The following LRTM1 variants were observed in gnomAD, a reference collection of about 807,000 sequenced individuals.
LRTM1 encodes leucine rich repeat transmembrane protein 1.
Under a neutral mutation model 32.4 loss-of-function variants are expected in LRTM1, and 38 were observed. The ratio of observed to expected loss-of-function variants is 1.17; its 90% CI spans 0.91 to 1.54. LRTM1 has a LOEUF of 1.54. LRTM1 is among the 40% of genes most tolerant of loss of function. The pLI is 0.00. For synonymous variants in LRTM1, 186 were observed against 169.9 expected, an observed-to-expected ratio of 1.09 and a Z score of -0.74; for missense variants, 466 against 415.4, an observed-to-expected ratio of 1.12 and a Z score of -1.06.
chr3:54,919,834 G>T (rs1212928403), intron 2 of LRTM1, among the ~76,000 whole-genome samples: 2 of 152,228 alleles, frequency 1.3e-5, no homozygotes, highest in Non-Finnish European at 2.9e-5. Flanking sequence ...CAGACTCACA[G>T]AGGTCACGAG....
intron 2 of LRTM1, among the ~76,000 whole-genome samples, chr3:54,922,801 T>C (rs1700891456): frequency 6.6e-6 from 1 of 151,798 alleles, no homozygotes; most frequent in Non-Finnish European, 1.5e-5. Flanking sequence ...ATTGACCACC[T>C]CCCCAACACA....
At chr3:54,925,287 G>T (rs144580254) in intron 1 of LRTM1, 72 bp from the exon 2 acceptor site, 2 of 1,240,836 alleles carry the variant, frequency 1.6e-6, no homozygotes, top group African/African-American at 3.0e-5. Context: ...TTCCGCCTTT[G>T]AATTTACAGG....
At chr3:54,952,709 C>T (rs1021436803) in intron 1 of LRTM1, among the ~76,000 whole-genome samples, 2 of 152,178 alleles carry the variant, frequency 1.3e-5, no homozygotes, top group African/African-American at 4.8e-5. Flanking sequence ...GCATAGTTCC[C>T]TCCAGCTTCC....
At chr3:54,925,894 G>T (rs1159898104) in intron 1 of LRTM1, among the ~76,000 whole-genome samples, 1 of 152,206 alleles carries the variant, frequency 6.6e-6, no homozygotes, top group Non-Finnish European at 1.5e-5. Context: ...GTAATTCCAT[G>T]AACAAGGATA....
At chr3:54,928,775 T>C (rs1701102845), upstream of LRTM1, among the ~76,000 whole-genome samples, 1 of 150,684 alleles carries the variant, frequency 6.6e-6, no homozygotes, top group African/African-American at 2.4e-5. Context: ...CTTCTTAATC[T>C]TTCTTCGTTT....
At chr3:54,959,789 A>G (rs1701987354) in intron 1 of LRTM1, among the ~76,000 whole-genome samples, 1 of 152,188 alleles carries the variant, frequency 6.6e-6, no homozygotes, top group Non-Finnish European at 1.5e-5. Flanking sequence ...AAATAATATT[A>G]TTTGAAGAAC....
At chr3:54,939,805 C>G (rs1182808291) in intron 1 of LRTM1, among the ~76,000 whole-genome samples, 1 of 152,208 alleles carries the variant, frequency 6.6e-6, no homozygotes, top group Non-Finnish European at 1.5e-5. Context: ...TTTTGTGGGC[C>G]TGCTCCTGCC....
In LRTM1 at chr3:54,925,135, A is replaced by T; in HGVS notation, c.88T>A (p.Ser30Thr). Residue 30 changes from serine to threonine, a missense_variant, in exon 2 of 3, where the codon TCT becomes ACT. Coordinates refer to ENST00000273286, the MANE Select transcript of LRTM1 (RefSeq NM_020678.4). ...SCPDKCYCQS[S>T]TNFVDCSQQG... ...TGGCTGCAGTCTACAAAATTTGTAG[A>T]TGACTGACAGTAACACTTGTCCGGG... 1 of 1,614,144 alleles carries T rather than the reference A, an allele frequency of 6.2e-7. No individual in the cohort carries two copies. Among genetic ancestry groups the T allele is most frequent in the Non-Finnish European group, 8.5e-7 (1 of 1,180,018 alleles).
intron 1 of LRTM1, among the ~76,000 whole-genome samples, chr3:54,959,815 T>C (rs1343364092): frequency 6.6e-6 from 1 of 152,186 alleles, no homozygotes; most frequent in Non-Finnish European, 1.5e-5. Flanking sequence ...GAGCATAAAA[T>C]GATCTGACAA....
chr3:54,928,075 A>G (rs1701078386), upstream of LRTM1: 1 of 656,548 alleles, frequency 1.5e-6, no homozygotes. Flanking sequence ...TTGCTTTCAA[A>G]AGACCATTTA....
chr3:54,918,589 A>G lies in LRTM1; in HGVS notation c.908T>C (p.Met303Thr), dbSNP rs1482989964. The G allele has an allele frequency of 6.2e-7, 1 of 1,614,156 alleles. No homozygotes were observed. ...GVVCGIVCLMMLAAAIYGCTY... is the reference protein window; with the variant it reads ...GVVCGIVCLMTLAAAIYGCTY... ...GCAGCCATAGATGGCAGCTGCCAAC[A>G]TCATGAGACACACAATCCCACACAC... The change falls in exon 3 of 3, where the codon ATG (methionine) becomes ACG (threonine). Residue 303 changes from methionine (M) to threonine (T), a missense_variant. Physicochemically the swap from Met to Thr is moderately conservative, Grantham distance 81. Transcript: ENST00000273286.
At chr3:54,935,654 T>C (rs1175105658) in intron 1 of LRTM1, among the ~76,000 whole-genome samples, 1 of 152,220 alleles carries the variant, frequency 6.6e-6, no homozygotes, top group Non-Finnish European at 1.5e-5. Flanking sequence ...TTTTTTGCAG[T>C]TCTTGTTGTT....
At chr3:54,953,167 G>A (rs1395707112) in intron 1 of LRTM1, among the ~76,000 whole-genome samples, 2 of 152,216 alleles carry the variant, frequency 1.3e-5, no homozygotes, top group Non-Finnish European at 2.9e-5. Flanking sequence ...CTGGCACTGT[G>A]CTAGGCTCAT....
chr3:54,935,997 G>A (rs781705682), intron 1 of LRTM1, among the ~76,000 whole-genome samples: 10 of 152,142 alleles, frequency 6.6e-5, no homozygotes, highest in Non-Finnish European at 1.3e-4. Context: ...GGAATCTGGA[G>A]TGAAACCATC....
Position 54,924,671 on chromosome 3 carries a change from G to A in LRTM1, c.552C>T (p.Cys184=). 6.2e-7 allele frequency: 1 copy of A among 1,614,120 alleles called. No homozygotes were observed. Among genetic ancestry groups the A allele is most frequent in the Non-Finnish European group, 8.5e-7 (1 of 1,180,016 alleles). The part of the protein sequence containing the change: ...LLLLKDNLWK[C]NCHLLGLKLW... ...GTTTAAGACCGAGCAAGTGGCAATT[G>A]CATTTCCAGAGGTTGTCCTTGAGAA... The change falls in exon 2 of 3, where the codon TGC becomes TGT. Residue 184 remains cysteine (C), a synonymous_variant. Transcript: ENST00000273286.
At chr3:54,925,859 C>T (rs1201267058) in intron 1 of LRTM1, among the ~76,000 whole-genome samples, 3 of 152,278 alleles carry the variant, frequency 2.0e-5, no homozygotes, top group Non-Finnish European at 2.9e-5. Flanking sequence ...AGCGCTGCTA[C>T]GTATTGATAT....
intron 1 of LRTM1, among the ~76,000 whole-genome samples, chr3:54,960,559 A>G (rs1335511757): frequency 6.6e-6 from 1 of 152,200 alleles, no homozygotes; most frequent in East Asian, 1.9e-4. Context: ...ATTATAACAA[A>G]TGCATATTGC....
At chr3:54,935,424 A>G (rs1041248672) in intron 1 of LRTM1, among the ~76,000 whole-genome samples, 3 of 152,218 alleles carry the variant, frequency 2.0e-5, no homozygotes, top group African/African-American at 4.8e-5. Context: ...GGCTGGTGGA[A>G]TAAACATAGG....
chr3:54,957,070 C>G (rs1456494354), intron 1 of LRTM1, among the ~76,000 whole-genome samples: 1 of 152,146 alleles, frequency 6.6e-6, no homozygotes, highest in Non-Finnish European at 1.5e-5. Flanking sequence ...CTGGCACATA[C>G]TAGAGGGCTT....
Sources: gnomAD v4.1 joint callset for allele counts (sites outside exome capture counted in the v4.1 genomes callset) on GRCh38, gnomAD v4.1.1 for gene constraint, MANE v1.5 for transcripts, NCBI Gene and HGNC (gene_info 2026-07-23, HGNC 2026-07-21) for gene names.